CADPS: variants seen among roughly 807,000 people sequenced by gnomAD.
CADPS encodes calcium-dependent secretion activator 1.
CADPS carries 57 observed loss-of-function variants against 167.3 expected under a neutral mutation model. The observed-to-expected ratio is 0.34, with a 90% CI of 0.28 to 0.42. The LOEUF (loss-of-function observed/expected upper bound fraction) is 0.42, where lower values mean the gene tolerates loss of function less well. CADPS is among the 20% of genes least tolerant of loss of function. The pLI is 1.00. For missense variants in CADPS, 1,414 were observed against 1,738.1 expected (o/e 0.81, Z 3.32); for synonymous variants, 676 against 635.3 (o/e 1.06, Z -0.96).
At chr3:62,712,879 T>G (rs1024254428) in intron 3 of CADPS, among the ~76,000 whole-genome samples, 6 of 152,110 alleles carry the variant, frequency 3.9e-5, no homozygotes, top group Non-Finnish European at 7.4e-5. Flanking sequence ...ATTACCACCT[T>G]TTGTGAGAGG....
intron 8 of CADPS, among the ~76,000 whole-genome samples, chr3:62,583,976 C>T (rs1451613407): frequency 6.6e-6 from 1 of 151,566 alleles, no homozygotes; most frequent in African/African-American, 2.4e-5. Context: ...TGTGAATTCC[C>T]CAAACCTCTA....
At chr3:62,559,498 A>AT (rs551522512) in intron 9 of CADPS, among the ~76,000 whole-genome samples, 131 of 144,806 alleles carry the variant, frequency 9.0e-4, no homozygotes, top group African/African-American at 2.0e-3. Context: ...CCCATGGGGA[A>AT]TTTTTTTTTT....
At chr3:62,463,919 T>G (rs1333486864) in intron 26 of CADPS, among the ~76,000 whole-genome samples, 1 of 152,174 alleles carries the variant, frequency 6.6e-6, no homozygotes, top group Non-Finnish European at 1.5e-5. Flanking sequence ...CAGAAGAAAC[T>G]GTTTTAAATG....
chr3:62,780,586 A>G (rs1424187195), intron 1 of CADPS, among the ~76,000 whole-genome samples: 1 of 152,100 alleles, frequency 6.6e-6, no homozygotes, highest in African/African-American at 2.4e-5. Flanking sequence ...TTAGGTCCAG[A>G]CTCTATGAAG....
chr3:62,626,319 G>A lies in CADPS; in HGVS notation c.1325+19403C>T, dbSNP rs141936386. On this transcript the variant is annotated intron_variant, in intron 6 of 29. Transcript: ENST00000383710. ...TACTAATTCCATCTTTCTCATTCAC[G>A]TCACTTTGCAAGCTGGCACGGATTT... The A allele has an allele frequency of 1.6e-3, 702 of 447,524 alleles. 53 individuals are homozygous for A. The highest frequency in any genetic ancestry group is 0.016 in the African/African-American group (640 of 40,854). 27.7% of individuals were successfully genotyped at this position (447,524 alleles called of 1,614,324 possible). A position where few individuals can be genotyped will look rare whatever the true frequency, so the allele number is the denominator to read the frequency against.
intron 3 of CADPS, among the ~76,000 whole-genome samples, chr3:62,691,944 GA>G (rs576093801): frequency 1.3e-5 from 2 of 151,010 alleles, no homozygotes; most frequent in South Asian, 2.1e-4. Context: ...AAAAGTTGAA[GA>G]AAAAAAAGAT....
intron 6 of CADPS, among the ~76,000 whole-genome samples, chr3:62,603,237 T>A (rs1044050066): frequency 2.0e-5 from 3 of 152,190 alleles, no homozygotes; most frequent in African/African-American, 7.2e-5. Context: ...AAACTCTGAG[T>A]TCCTCCACAC....
At chr3:62,786,741 G>A (rs1224760620) in intron 1 of CADPS, among the ~76,000 whole-genome samples, 1 of 152,138 alleles carries the variant, frequency 6.6e-6, no homozygotes, top group Non-Finnish European at 1.5e-5. Context: ...TCTGCTCTCA[G>A]AGGTTTTGAA....
At position 62,565,813 on chromosome 3, in the gene CADPS, G is replaced by A. The variant is rs186748382; in HGVS notation, c.1644+5059C>T. On this transcript the variant is annotated intron_variant, in intron 9 of 29. Coordinates refer to ENST00000383710, the MANE Select transcript of CADPS (RefSeq NM_003716.4). ...TTTATCCCTGGCTAGTAGGAAGTCCGTTTATAGTCTAAAATTTGGTTCCCC... is the reference window on the plus strand; with the variant it reads ...TTTATCCCTGGCTAGTAGGAAGTCCATTTATAGTCTAAAATTTGGTTCCCC... 3.5e-4 allele frequency among the ~76,000 whole-genome samples: 53 copies of A among 152,234 alleles called. 1 individual carries two copies. The highest frequency in any genetic ancestry group is 3.0e-3 in the Admixed American group (46 of 15,296).
chr3:62,528,530 C>A (rs925540486), intron 13 of CADPS, among the ~76,000 whole-genome samples: 2 of 152,166 alleles, frequency 1.3e-5, no homozygotes, highest in Non-Finnish European at 2.9e-5. Context: ...ATTTATGAAA[C>A]CTGACGATGG....
In CADPS at chr3:62,869,048, A is replaced by T. The variant is rs114514600; in HGVS notation, c.441+5541T>A. On this transcript the variant is annotated intron_variant, in intron 1 of 29. Coordinates refer to ENST00000383710, the MANE Select transcript of CADPS (RefSeq NM_003716.4). ...GAGAGCAGAAGTGTTTTGAATTTTT[A>T]AAGGATTTTAGAATATTTATGTCAT... Among the ~76,000 whole-genome samples the T allele has an allele frequency of 4.9e-3, 747 of 152,182 alleles. 7 individuals are homozygous for T. Among genetic ancestry groups the T allele is most frequent in the African/African-American group, 0.017 (705 of 41,554 alleles).
At chr3:62,822,341 T>G (rs2073129375) in intron 1 of CADPS, among the ~76,000 whole-genome samples, 1 of 152,204 alleles carries the variant, frequency 6.6e-6, no homozygotes, top group Non-Finnish European at 1.5e-5. Context: ...AAACATTTTC[T>G]TTCCATGTTA....
chr3:62,614,254 T>C (rs942598392), intron 6 of CADPS, among the ~76,000 whole-genome samples: 3 of 152,162 alleles, frequency 2.0e-5, no homozygotes, highest in South Asian at 2.1e-4. Flanking sequence ...ATGAGGGAAC[T>C]GAAGCTTAGG....
intron 7 of CADPS, among the ~76,000 whole-genome samples, chr3:62,591,181 A>T (rs1258124816): frequency 6.6e-6 from 1 of 152,120 alleles, no homozygotes; most frequent in African/African-American, 2.4e-5. Flanking sequence ...TTGAAAGTCT[A>T]TGTGCTGGGC....
intron 6 of CADPS, among the ~76,000 whole-genome samples, chr3:62,630,230 G>C (rs2065028078): frequency 6.6e-6 from 1 of 152,150 alleles, no homozygotes; most frequent in Admixed American, 6.5e-5. Context: ...AATGCAAAGT[G>C]AATCTGGAGA....
intron 6 of CADPS, among the ~76,000 whole-genome samples, chr3:62,597,616 T>C (rs769473403): frequency 6.6e-6 from 1 of 152,138 alleles, no homozygotes; most frequent in Non-Finnish European, 1.5e-5. Flanking sequence ...TACCCAAAGA[T>C]GCTCAGCTCA....
At chr3:62,473,819 T>C (rs533902886) in intron 24 of CADPS, 63 of 170,798 alleles carry the variant, frequency 3.7e-4, no homozygotes, top group South Asian at 7.8e-4. Flanking sequence ...ATGTTCAAAG[T>C]GATAAAATGC....
chr3:62,479,621 C>G (rs1052005053), intron 22 of CADPS, among the ~76,000 whole-genome samples: 1 of 152,220 alleles, frequency 6.6e-6, no homozygotes, highest in Non-Finnish European at 1.5e-5. Flanking sequence ...CGGCCTGGAC[C>G]AACAGGGTAA....
At chr3:62,856,831 A>G (rs961644359) in intron 1 of CADPS, among the ~76,000 whole-genome samples, 4 of 151,842 alleles carry the variant, frequency 2.6e-5, no homozygotes, top group African/African-American at 9.7e-5. Context: ...CATTACACCA[A>G]TACAAATTTC....
Sources: allele counts gnomAD v4.1 joint callset (sites outside exome capture counted in the v4.1 genomes callset), GRCh38; gene constraint gnomAD v4.1.1; transcripts MANE v1.5; gene names NCBI Gene and HGNC (gene_info 2026-07-23, HGNC 2026-07-21).